LIPH: variants seen among roughly 807,000 people sequenced by gnomAD.
The protein encoded by LIPH is lipase H, also known as lipase member H.
In LIPH, 32 loss-of-function variants were observed where a neutral mutation model predicts 47.6. That is an observed-to-expected ratio of 0.67 (90% CI 0.51 to 0.90). The LOEUF is 0.90. LIPH is among the 40% of genes least tolerant of loss of function. The pLI, the probability that LIPH is intolerant of heterozygous loss-of-function variation, is 0.00. For synonymous variants in LIPH, 190 were observed against 195.6 expected, an observed-to-expected ratio of 0.97 and a Z score of 0.24; for missense variants, 497 against 541.4, an observed-to-expected ratio of 0.92 and a Z score of 0.81.
At chr3:185,529,018 A>AAG in intron 3 of LIPH, among the ~76,000 whole-genome samples, 1 of 149,978 alleles carries the variant, frequency 6.7e-6, no homozygotes, top group South Asian at 2.1e-4. Flanking sequence ...CAAAAAAAAA[A>AAG]AAAAAAAAAT....
Position 185,545,117 on chromosome 3 carries a change from ACTT to A in LIPH, c.49+7303_49+7305del, listed in dbSNP as rs138217697. Among the ~76,000 whole-genome samples, 367 of 152,244 alleles carry A rather than the reference ACTT, an allele frequency of 2.4e-3. 2 individuals carry two copies. The highest frequency in any genetic ancestry group is 8.6e-3 in the African/African-American group (359 of 41,552). ...ATGTTAAACTGGTTTTTAAAGCTTA[ACTT>A]CTTCTATTTGAGTTTATCTGAAACA... is the stretch of plus-strand genomic sequence containing the variant. On this transcript the variant is annotated intron_variant, in intron 1 of 9. Transcript: ENST00000296252.
At chr3:185,528,745 T>C (rs1720206333) in intron 3 of LIPH, among the ~76,000 whole-genome samples, 1 of 152,114 alleles carries the variant, frequency 6.6e-6, no homozygotes, top group South Asian at 2.1e-4. Context: ...GCTCTATAAA[T>C]GCCTAAACCG....
chr3:185,521,894 T>C (rs186398890), intron 5 of LIPH, among the ~76,000 whole-genome samples: 310 of 152,342 alleles, frequency 2.0e-3, no homozygotes, highest in African/African-American at 6.2e-3. Flanking sequence ...CCCTTTATTT[T>C]ATGGAAATAG....
At chr3:185,536,570 G>A (rs190536437) in intron 1 of LIPH, among the ~76,000 whole-genome samples, 20 of 152,172 alleles carry the variant, frequency 1.3e-4, no homozygotes, top group Admixed American at 9.8e-4. Flanking sequence ...AATAACCTGA[G>A]TCTGTTCAGT....
chr3:185,537,175 G>A (rs552789199), intron 1 of LIPH, among the ~76,000 whole-genome samples: 61 of 152,254 alleles, frequency 4.0e-4, no homozygotes, highest in South Asian at 1.9e-3. Context: ...GTGAGCCATC[G>A]TGCCCAGCCA....
intron 1 of LIPH, among the ~76,000 whole-genome samples, chr3:185,545,689 C>T (rs1720848798): frequency 6.6e-6 from 1 of 152,016 alleles, no homozygotes; most frequent in African/African-American, 2.4e-5. Context: ...CCCTGGGCAA[C>T]ATAGTGAGAT....
intron 7 of LIPH, among the ~76,000 whole-genome samples, chr3:185,516,589 C>G (rs1056021822): frequency 6.6e-6 from 1 of 152,146 alleles, no homozygotes; most frequent in Admixed American, 6.5e-5. Context: ...CTGGAATACT[C>G]AACCTCTCGA....
intron 4 of LIPH, among the ~76,000 whole-genome samples, chr3:185,525,785 ATGTAC>A (rs1214948312): frequency 6.6e-6 from 1 of 152,234 alleles, no homozygotes; most frequent in Non-Finnish European, 1.5e-5. Context: ...AAGCATTAAA[ATGTAC>A]TTTGCAAACT....
In LIPH at chr3:185,522,652, A is replaced by G. The variant is rs924637240; in HGVS notation, c.718+1419T>C. 4.3e-4 allele frequency among the ~76,000 whole-genome samples: 6 copies of G among 14,042 alleles called. No individual in the cohort carries two copies. The South Asian group carries it at 0.028, about 66-fold the overall frequency. The allele number at this position is 14,042 out of a possible 152,430, so 9.2% of individuals were successfully genotyped here. ...GAAGGAAAAGAAAGAGAGAAAGAAA[A>G]AGAAAGAAAGAAAGAAAGAAAGAAA... On this transcript the variant is annotated intron_variant, in intron 5 of 9. Coordinates refer to ENST00000296252, the MANE Select transcript of LIPH (RefSeq NM_139248.3).
At chr3:185,547,256 G>A (rs1053528460) in intron 1 of LIPH, among the ~76,000 whole-genome samples, 1 of 152,166 alleles carries the variant, frequency 6.6e-6, no homozygotes, top group African/African-American at 2.4e-5. Flanking sequence ...TGTAGGACAT[G>A]TAGAAGTGAA....
At chr3:185,545,665 G>C (rs1383141098) in intron 1 of LIPH, among the ~76,000 whole-genome samples, 1 of 151,816 alleles carries the variant, frequency 6.6e-6, no homozygotes, top group African/African-American at 2.4e-5. Context: ...CTTGACGTGA[G>C]GAGTGGGAGA....
At chr3:185,531,865 G>A (rs1487466492) in intron 3 of LIPH, among the ~76,000 whole-genome samples, 2 of 151,998 alleles carry the variant, frequency 1.3e-5, no homozygotes, top group African/African-American at 4.8e-5. Context: ...TTTGAGACAG[G>A]ATCTCACTCT....
intron 3 of LIPH, among the ~76,000 whole-genome samples, chr3:185,529,412 CTTTTTCTTTTTT>C (rs1424584295): frequency 7.9e-6 from 1 of 127,092 alleles, no homozygotes; most frequent in Non-Finnish European, 1.8e-5. Context: ...TAGCCTTTTT[CTTTTTCTTTTTT>C]TTTTTTTAAT....
At chr3:185,552,148 T>A (rs1035024263) in intron 1 of LIPH, among the ~76,000 whole-genome samples, 3 of 151,904 alleles carry the variant, frequency 2.0e-5, no homozygotes, top group Non-Finnish European at 4.4e-5. Flanking sequence ...TATTTGATTG[T>A]TGTAAATAAG....
At chr3:185,538,116 T>C (rs1262590327) in intron 1 of LIPH, among the ~76,000 whole-genome samples, 1 of 152,158 alleles carries the variant, frequency 6.6e-6, no homozygotes, top group Non-Finnish European at 1.5e-5. Context: ...CTACATAATT[T>C]CTTTTAAGTC....
At position 185,507,114 on chromosome 3, in the gene LIPH, T is replaced by A. The variant is rs1353463672; in HGVS notation, c.*1676A>T. On this transcript the variant is annotated 3_prime_UTR_variant, in exon 10 of 10. Transcript: ENST00000296252. ...TTGGCCGGGTGTGGTGGCTCATGCC[T>A]GTAATCCCAGCACTTTGGGAGGCCG... 6.6e-6 allele frequency: 1 copy of A among 152,216 alleles called. No homozygotes were observed. The highest frequency in any genetic ancestry group is 2.4e-5 in the African/African-American group (1 of 41,452). 9.4% of individuals were successfully genotyped at this position (152,216 alleles called of 1,614,324 possible). A position where few individuals can be genotyped will look rare whatever the true frequency, so the allele number is the denominator to read the frequency against.
chr3:185,541,108 T>A (rs995383251), intron 1 of LIPH, among the ~76,000 whole-genome samples: 1 of 152,238 alleles, frequency 6.6e-6, no homozygotes, highest in Non-Finnish European at 1.5e-5. Context: ...TTTTTATTAG[T>A]TATAAAATTA....
chr3:185,525,282 C>A (rs1720033320), intron 4 of LIPH, among the ~76,000 whole-genome samples: 1 of 151,898 alleles, frequency 6.6e-6, no homozygotes, highest in Non-Finnish European at 1.5e-5. Context: ...CTTTATTAAA[C>A]CCCCAATCAG....
At position 185,530,478 on chromosome 3, in the gene LIPH, A is replaced by AAAT. The variant is rs761217291; in HGVS notation, c.527-2896_527-2894dup. Among the ~76,000 whole-genome samples, 27 of 151,634 alleles carry AAAT rather than the reference A, an allele frequency of 1.8e-4. No homozygotes were observed. In the East Asian group the frequency reaches 2.3e-3, roughly 13 times the overall value. ...GGGCGACAGAGTGAGACTCGGTCTC[A>AAAT]AATAATAATAATAATAATAAATTAA... On this transcript the variant is annotated intron_variant, in intron 3 of 9. Coordinates refer to ENST00000296252, the MANE Select transcript of LIPH (RefSeq NM_139248.3).
Sources: allele counts gnomAD v4.1 joint callset (sites outside exome capture counted in the v4.1 genomes callset), GRCh38; gene constraint gnomAD v4.1.1; transcripts MANE v1.5; gene names NCBI Gene and HGNC (gene_info 2026-07-23, HGNC 2026-07-21).